HJURP: variants seen among roughly 807,000 people sequenced by gnomAD.
HJURP encodes 14-3-3-associated AKT substrate.
In HJURP, 49 loss-of-function variants were observed where a neutral mutation model predicts 72.0. That is an observed-to-expected ratio of 0.68 (90% CI 0.54 to 0.86). HJURP has a LOEUF of 0.86. HJURP is among the 40% of genes least tolerant of loss of function. The probability of loss-of-function intolerance (pLI) is 0.00; values close to 1 mark genes in which losing one functional copy is unlikely to be tolerated. For missense variants in HJURP, 908 were observed against 936.3 expected (o/e 0.97, Z 0.39); for synonymous variants, 357 against 347.1 (o/e 1.03, Z -0.32).
rs1173893978 is a variant in HJURP, at chr2:233,852,429, A to G, written c.240+136T>C. 1.6e-5 allele frequency: 10 copies of G among 627,722 alleles called. No individual in the cohort carries two copies. The East Asian group carries it at 2.4e-4, about 15-fold the overall frequency. The allele number at this position is 627,722 out of a possible 1,614,324, so 38.9% of individuals were successfully genotyped here. A position where few individuals can be genotyped will look rare whatever the true frequency, so the allele number is the denominator to read the frequency against. On this transcript the variant is annotated intron_variant, in intron 3 of 8. Coordinates refer to ENST00000411486, the MANE Select transcript of HJURP (RefSeq NM_018410.5). ...ATGCTTCTAAATCCTTAAAAACAGAAAGAGTATAATCATGAGAAAAAGTGC... is the reference window on the plus strand; with the variant it reads ...ATGCTTCTAAATCCTTAAAAACAGAGAGAGTATAATCATGAGAAAAAGTGC...
At position 233,841,059 on chromosome 2, in the gene HJURP, C is replaced by G; in HGVS notation, c.1721G>C (p.Arg574Thr). 2 of 1,614,134 alleles carry G rather than the reference C, an allele frequency of 1.2e-6. No individual in the cohort carries two copies. The highest frequency in any genetic ancestry group is 1.7e-6 in the Non-Finnish European group (2 of 1,180,020). The change falls in exon 8 of 9, where the codon AGG (arginine) becomes ACG (threonine). Residue 574 changes from arginine to threonine, a missense_variant. Physicochemically the swap from Arg to Thr is moderately conservative, Grantham distance 71. Transcript: ENST00000411486. ...VPDKEVPGHG[R>T]NRYDEIKEEF... ...TTCTTTAATTTCATCGTAACGATTC[C>G]TTCCGTGGCCTGGCACTTCTTTATC...
At chr2:233,847,217 A>G (rs1444217013) in intron 5 of HJURP, among the ~76,000 whole-genome samples, 180 bp downstream of exon 5, 2 of 152,070 alleles carry the variant, frequency 1.3e-5, no homozygotes, top group African/African-American at 4.8e-5. Context: ...GGAGGGCCTT[A>G]CCGCTGAAGG....
chr2:233,838,603 G>T (rs1276905795), intron 8 of HJURP, among the ~76,000 whole-genome samples: 5 of 152,126 alleles, frequency 3.3e-5, no homozygotes, highest in African/African-American at 9.7e-5. Flanking sequence ...AAAGCAGTTA[G>T]GTTTAGACAA....
rs957213237 is a variant in HJURP at position 233,854,378 on chromosome 2, C to A, written c.117+6G>T. ...TCCCCTCCCGGCGGACCGGCGGGGG[C>A]CGCACCTTCTCTATCAGCCGCTGCA... is the stretch of plus-strand genomic sequence containing the variant. On this transcript the variant is annotated splice_donor_region_variant and intron_variant, in intron 1 of 8. Transcript: ENST00000411486. The A allele has an allele frequency of 6.4e-7, 1 of 1,570,368 alleles. No homozygotes were observed.
intron 4 of HJURP, among the ~76,000 whole-genome samples, chr2:233,848,433 C>T (rs1480882679): frequency 2.0e-5 from 3 of 152,182 alleles, no homozygotes; most frequent in Admixed American, 1.3e-4. Context: ...ATCAGAGAAG[C>T]GGCTTGACCA....
At position 233,854,502 on chromosome 2, in the gene HJURP, G is replaced by C. The variant is rs1202791853; in HGVS notation, c.-2C>G. 5 of 1,607,474 alleles carry C rather than the reference G, an allele frequency of 3.1e-6. No homozygotes were observed. The African/African-American group carries it at 5.4e-5, about 17-fold the overall frequency. On this transcript the variant is annotated 5_prime_UTR_variant, in exon 1 of 9. Transcript: ENST00000411486. The stretch of plus-strand genomic sequence containing the variant: ...CATGGCGCGCAGCGTACCCAGCATC[G>C]GACCCAGCCAGTACCCAAGCGCCAA...
intron 8 of HJURP, among the ~76,000 whole-genome samples, chr2:233,838,641 G>A (rs17863821): frequency 6.6e-6 from 1 of 152,308 alleles, no homozygotes; most frequent in Non-Finnish European, 1.5e-5. Context: ...GAGGAGCTCT[G>A]ATGTGTGGGA....
chr2:233,837,338 A>C lies in HJURP; in HGVS notation c.*239T>G. The stretch of plus-strand genomic sequence containing the variant: ...CAAATAACCCCCCCCCAAAAAAAAC[A>C]CACACATCAGAAAAACAGGCCTATC... On this transcript the variant is annotated 3_prime_UTR_variant, in exon 9 of 9. Coordinates refer to ENST00000411486, the MANE Select transcript of HJURP (RefSeq NM_018410.5). 9.0e-6 allele frequency: 3 copies of C among 334,502 alleles called. No homozygotes were observed. The highest frequency in any genetic ancestry group is 1.6e-5 in the Non-Finnish European group (3 of 182,006). The allele number at this position is 334,502 out of a possible 1,614,324, so 20.7% of individuals were successfully genotyped here. A position where few individuals can be genotyped will look rare whatever the true frequency, so the allele number is the denominator to read the frequency against.
In HJURP at chr2:233,841,172, C is replaced by T. The variant is rs199517157; in HGVS notation, c.1608G>A (p.Pro536=). The T allele has an allele frequency of 3.7e-5, 59 of 1,614,138 alleles. No homozygotes were observed. In the East Asian group the frequency reaches 8.5e-4, roughly 23 times the overall value. The change falls in exon 8 of 9, where the codon CCG becomes CCA. Residue 536 remains proline (P), a synonymous_variant. Transcript: ENST00000411486. ...GAACGTGAAGGTCAGATGTCTGCTG[C>T]GGGCGAGTTGCGCTGTGTGTGGGGT... ...KTNPTHSATR[P]QQTSDLHVQG...
chr2:233,848,659 G>A (rs1705428123), intron 4 of HJURP, among the ~76,000 whole-genome samples: 1 of 152,194 alleles, frequency 6.6e-6, no homozygotes, highest in African/African-American at 2.4e-5. Context: ...CAGAAGATGG[G>A]GAGCCTGTCT....
Position 233,853,997 on chromosome 2 carries a change from G to T in HJURP, c.118-87C>A, listed in dbSNP as rs112603197. The stretch of plus-strand genomic sequence containing the variant: ...AGGAGGCGGCGCCAGCCCGTGAGAG[G>T]CCGTTAGTCTGGCCTGGGGCGCCCC... On this transcript the variant is annotated intron_variant, in intron 1 of 8. Coordinates refer to ENST00000411486, the MANE Select transcript of HJURP (RefSeq NM_018410.5). 4.2e-3 allele frequency: 5,196 copies of T among 1,231,228 alleles called. 182 individuals carry two copies. The African/African-American group carries it at 0.07, about 16-fold the overall frequency. The allele number at this position is 1,231,228 out of a possible 1,614,324, so 76.3% of individuals were successfully genotyped here. A position where few individuals can be genotyped will look rare whatever the true frequency, so the allele number is the denominator to read the frequency against.
At chr2:233,839,773 G>A (rs1705175045) in intron 8 of HJURP, among the ~76,000 whole-genome samples, 1 of 152,144 alleles carries the variant, frequency 6.6e-6, no homozygotes, top group Non-Finnish European at 1.5e-5. Context: ...ACATCGCCAG[G>A]CTAGGGCACA....
At chr2:233,844,100 A>T (rs1705296945) in intron 7 of HJURP, 105 bp downstream of exon 7, 1 of 765,112 alleles carries the variant, frequency 1.3e-6, no homozygotes, top group Non-Finnish European at 2.2e-6. Context: ...GAAACACACC[A>T]GGAAATGATG....
In HJURP at chr2:233,852,716, A is replaced by G. The variant is rs1055167233; in HGVS notation, c.185-96T>C. ...CCAGATGCCAAAGTGACAGGCAAAA[A>G]AAAGGTACAATATTAAAACCAAGCC... On this transcript the variant is annotated intron_variant, in intron 2 of 8. Transcript: ENST00000411486. 9 of 848,724 alleles carry G rather than the reference A, an allele frequency of 1.1e-5. No individual in the cohort carries two copies. In the African/African-American group the frequency reaches 1.2e-4, roughly 11 times the overall value. 52.6% of individuals were successfully genotyped at this position (848,724 alleles called of 1,614,324 possible). A position where few individuals can be genotyped will look rare whatever the true frequency, so the allele number is the denominator to read the frequency against.
intron 4 of HJURP, among the ~76,000 whole-genome samples, chr2:233,848,823 G>A (rs567345905): frequency 5.3e-5 from 8 of 152,244 alleles, no homozygotes; most frequent in Admixed American, 2.0e-4. Flanking sequence ...GGCAAAGGCA[G>A]CTCAAACAAA....
chr2:233,851,770 T>C (rs1189946333), intron 3 of HJURP, among the ~76,000 whole-genome samples: 1 of 152,216 alleles, frequency 6.6e-6, no homozygotes, highest in African/African-American at 2.4e-5. Context: ...TAGTTGTATG[T>C]ACTTTTAACA....
rs765752861 is a variant in HJURP, at chr2:233,852,605, C to A, written c.200G>T (p.Gly67Val). 6.2e-7 allele frequency: 1 copy of A among 1,604,620 alleles called. No homozygotes were observed. The highest frequency in any genetic ancestry group is 2.2e-5 in the East Asian group (1 of 44,860). The change falls in exon 3 of 9, where the codon GGT becomes GTT. Residue 67 changes from glycine (G) to valine (V), a missense_variant. This residue lies in a region of HJURP where 299 missense variants were observed against 286.7 expected (regional missense o/e 1.04). Coordinates refer to ENST00000411486, the MANE Select transcript of HJURP (RefSeq NM_018410.5). Reference sequence around the variant, plus strand: ...GTTTCTTTCCTTTATTAGTCTTCCACCCCAAATTCTCAATCCTGAAGAAAA... The same window carrying A: ...GTTTCTTTCCTTTATTAGTCTTCCAACCCAAATTCTCAATCCTGAAGAAAA... Reference protein sequence around the residue: ...YETPQGLRIWGGRLIKERNEG... With the variant: ...YETPQGLRIWVGRLIKERNEG...
intron 7 of HJURP, among the ~76,000 whole-genome samples, chr2:233,843,383 A>C (rs1035445502): frequency 1.3e-5 from 2 of 152,190 alleles, no homozygotes; most frequent in African/African-American, 4.8e-5. Flanking sequence ...GTAAGGTCTT[A>C]CCTTAACTCA....
intron 6 of HJURP, 83 bp from the exon 7 acceptor site, chr2:233,844,366 C>A (rs1006597583): frequency 1.0e-4 from 96 of 950,192 alleles, no homozygotes; most frequent in Non-Finnish European, 1.5e-4. Flanking sequence ...CCTGACGATG[C>A]GGACTGTGCA....
Sources: allele counts gnomAD v4.1 joint callset (sites outside exome capture counted in the v4.1 genomes callset), GRCh38; gene constraint gnomAD v4.1.1; regional missense constraint gnomAD v4.1.1; transcripts MANE v1.5; gene names NCBI Gene and HGNC (gene_info 2026-07-23, HGNC 2026-07-21).